DNAJC13: variants seen among roughly 807,000 people sequenced by gnomAD.
The protein encoded by DNAJC13 is DnaJ heat shock protein family (Hsp40) member C13, also known as dnaJ homolog subfamily C member 13.
In DNAJC13, 75 loss-of-function variants were observed where a neutral mutation model predicts 290.5. That is an observed-to-expected ratio of 0.26 (90% CI 0.21 to 0.31). The LOEUF is 0.31. Ranked by LOEUF, DNAJC13 falls within the 10% of genes least tolerant of loss-of-function variation. DNAJC13 has a pLI of 1.00. For synonymous variants in DNAJC13, 862 were observed against 892.0 expected (o/e 0.97, Z 0.60); for missense variants, 2,260 against 2,674.5 (o/e 0.85, Z 3.42).
At chr3:132,509,494 G>A (rs1345312600) in intron 43 of DNAJC13, among the ~76,000 whole-genome samples, 1 of 152,234 alleles carries the variant, frequency 6.6e-6, no homozygotes, top group Admixed American at 6.5e-5. Flanking sequence ...AAAAGATTTA[G>A]TATATTACAT....
chr3:132,449,586 T>C (rs1933359131), intron 5 of DNAJC13, among the ~76,000 whole-genome samples: 1 of 152,166 alleles, frequency 6.6e-6, no homozygotes, highest in Non-Finnish European at 1.5e-5. Flanking sequence ...CATAGATCAG[T>C]AATGTTGAGG....
At chr3:132,435,638 T>C (rs946587591) in intron 2 of DNAJC13, among the ~76,000 whole-genome samples, 4 of 152,154 alleles carry the variant, frequency 2.6e-5, no homozygotes, top group Non-Finnish European at 5.9e-5. Context: ...TCATTTTTTT[T>C]CCCCCTAGTT....
At position 132,510,864 on chromosome 3, in the gene DNAJC13, A is replaced by G. The variant is rs78208917; in HGVS notation, c.5116-203A>G. 0.063 allele frequency among the ~76,000 whole-genome samples: 9,526 copies of G among 152,232 alleles called. 394 individuals carry two copies. The highest frequency in any genetic ancestry group is 0.092 in the Non-Finnish European group (6,241 of 68,008). ...ATTGTTACACTAAGATACTAATGGGAGTATATCAGATCTCTGGAAGTTGAG... is the reference window on the plus strand; with the variant it reads ...ATTGTTACACTAAGATACTAATGGGGGTATATCAGATCTCTGGAAGTTGAG... On this transcript the variant is annotated intron_variant, in intron 43 of 55. Transcript: ENST00000260818.
At chr3:132,459,858 T>C (rs906882069) in intron 13 of DNAJC13, among the ~76,000 whole-genome samples, 20 of 152,180 alleles carry the variant, frequency 1.3e-4, no homozygotes, top group African/African-American at 4.6e-4. Context: ...CACGCTGGAA[T>C]GTTTTATACA....
At chr3:132,461,698 A>T (rs1285541582) in intron 15 of DNAJC13, among the ~76,000 whole-genome samples, 1 of 151,558 alleles carries the variant, frequency 6.6e-6, no homozygotes, top group Non-Finnish European at 1.5e-5. Flanking sequence ...ATTTTATTTT[A>T]TTTATTTTTT....
intron 2 of DNAJC13, among the ~76,000 whole-genome samples, chr3:132,444,745 A>G (rs772583857): frequency 2.6e-5 from 4 of 152,314 alleles, no homozygotes; most frequent in Non-Finnish European, 5.9e-5. Flanking sequence ...TTTAGTTCCT[A>G]TTAATTGATT....
chr3:132,516,944 A>C, intron 48 of DNAJC13, 128 bp downstream of exon 48: 1 of 805,262 alleles, frequency 1.2e-6, no homozygotes, highest in Non-Finnish European at 2.0e-6. Context: ...TGAAAGTTGG[A>C]AAATTCACAT....
At chr3:132,515,288 T>C (rs1935887450) in intron 46 of DNAJC13, among the ~76,000 whole-genome samples, 1 of 152,188 alleles carries the variant, frequency 6.6e-6, no homozygotes, top group Non-Finnish European at 1.5e-5. Flanking sequence ...CATTGCTTAG[T>C]TGGCTTTGCC....
chr3:132,461,290 A>G (rs1332207303), intron 15 of DNAJC13, 85 bp downstream of exon 15: 1 of 1,447,154 alleles, frequency 6.9e-7, no homozygotes, highest in East Asian at 2.3e-5. Context: ...TAACATTTGC[A>G]TACTTCTATA....
At position 132,467,275 on chromosome 3, in the gene DNAJC13, A is replaced by G. The variant is rs1166708815; in HGVS notation, c.2170A>G (p.Met724Val). Residue 724 changes from methionine (M) to valine (V), a missense_variant, in exon 20 of 56, where the codon ATG (methionine) becomes GTG (valine). Coordinates refer to ENST00000260818, the MANE Select transcript of DNAJC13 (RefSeq NM_015268.4). ...CAAAGAAAAAGTGGATCTTGTATTGATGCACTGGAGGGATAGGATGGGCAT... is the reference window on the plus strand; with the variant it reads ...CAAAGAAAAAGTGGATCTTGTATTGGTGCACTGGAGGGATAGGATGGGCAT... ...FAKEKVDLVLMHWRDRMGIAQ... is the reference protein window; with the variant it reads ...FAKEKVDLVLVHWRDRMGIAQ... 5.6e-6 allele frequency: 9 copies of G among 1,613,928 alleles called. No individual in the cohort carries two copies. The highest frequency in any genetic ancestry group is 7.6e-6 in the Non-Finnish European group (9 of 1,179,976).
At position 132,496,525 on chromosome 3, in the gene DNAJC13, C is replaced by T; in HGVS notation, c.4021-3C>T. On this transcript the variant is annotated splice_region_variant and splice_polypyrimidine_tract_variant and intron_variant, in intron 35 of 55. Coordinates refer to ENST00000260818, the MANE Select transcript of DNAJC13 (RefSeq NM_015268.4). ...ACGTTAAATTATCTTCTGTTACATA[C>T]AGGACATGTTTGAAAAAGTAAATAA... 1 of 1,591,188 alleles carries T rather than the reference C, an allele frequency of 6.3e-7. No individual in the cohort carries two copies. The highest frequency in any genetic ancestry group is 2.3e-5 in the East Asian group (1 of 44,052).
chr3:132,518,887 A>G (rs545507994), intron 48 of DNAJC13, among the ~76,000 whole-genome samples: 1 of 152,060 alleles, frequency 6.6e-6, no homozygotes. Context: ...CCACTGATCT[A>G]TTTCCTTCTG....
At chr3:132,524,537 A>T (rs1378693949) in intron 51 of DNAJC13, among the ~76,000 whole-genome samples, 3 of 152,226 alleles carry the variant, frequency 2.0e-5, no homozygotes, top group African/African-American at 7.2e-5. Flanking sequence ...AGAATGCTTA[A>T]CATAATGTCT....
intron 21 of DNAJC13, among the ~76,000 whole-genome samples, chr3:132,473,781 C>T (rs1028631365): frequency 6.6e-6 from 1 of 152,294 alleles, no homozygotes; most frequent in African/African-American, 2.4e-5. Flanking sequence ...TGGAAACTGA[C>T]ATTTCAATTA....
At chr3:132,436,639 C>A (rs953375614) in intron 2 of DNAJC13, among the ~76,000 whole-genome samples, 1 of 152,146 alleles carries the variant, frequency 6.6e-6, no homozygotes, top group Non-Finnish European at 1.5e-5. Flanking sequence ...TTTTACATTT[C>A]CACCTTCAAT....
At chr3:132,498,693 T>C (rs1037386711) in intron 36 of DNAJC13, among the ~76,000 whole-genome samples, 4 of 151,276 alleles carry the variant, frequency 2.6e-5, no homozygotes, top group African/African-American at 9.7e-5. Context: ...ATATTTTATC[T>C]TTTTTTTTAC....
intron 17 of DNAJC13, among the ~76,000 whole-genome samples, chr3:132,465,304 A>C (rs769510242): frequency 1.3e-5 from 2 of 152,124 alleles, no homozygotes; most frequent in African/African-American, 4.8e-5. Flanking sequence ...TTGAATCCCC[A>C]CCAAAGCACA....
chr3:132,505,462 A>G (rs747085186), intron 42 of DNAJC13, 47 bp downstream of exon 42: 27 of 1,255,800 alleles, frequency 2.2e-5, no homozygotes, highest in Middle Eastern at 3.8e-4. Context: ...TTCTGATGGA[A>G]TCTCTGGAAG....
rs147575919 is a variant in DNAJC13, at chr3:132,522,950, T to G, written c.5796T>G (p.Asp1932Glu). 1,083 of 1,613,304 alleles carry G rather than the reference T, an allele frequency of 6.7e-4. No individual in the cohort carries two copies. Among genetic ancestry groups the G allele is most frequent in the Non-Finnish European group, 8.5e-4 (1,006 of 1,179,764 alleles). The change falls in exon 49 of 56, where the codon GAT becomes GAG. Residue 1932 changes from aspartate to glutamate, a missense_variant. This residue lies in a region of DNAJC13 where 1,494 missense variants were observed against 1,693.7 expected (regional missense o/e 0.88). Coordinates refer to ENST00000260818, the MANE Select transcript of DNAJC13 (RefSeq NM_015268.4). ...THENPELIWN[D>E]NSRDKVSTTV... ...AAAATCCTGAGTTAATTTGGAATGA[T>G]AATTCCAGAGATAAAGTGTCCACAA...
Sources: allele counts gnomAD v4.1 joint callset (sites outside exome capture counted in the v4.1 genomes callset), GRCh38; gene constraint gnomAD v4.1.1; regional missense constraint gnomAD v4.1.1; transcripts MANE v1.5; gene names NCBI Gene and HGNC (gene_info 2026-07-23, HGNC 2026-07-21).